CLIP1: variants seen among roughly 807,000 people sequenced by gnomAD.
CLIP1 encodes the protein CAP-Gly domain containing linker protein 1.
In CLIP1, 66 loss-of-function variants were observed where a neutral mutation model predicts 161.6. The observed-to-expected ratio is 0.41, with a 90% CI of 0.33 to 0.50. The LOEUF (loss-of-function observed/expected upper bound fraction) is 0.50, where lower values mean the gene tolerates loss of function less well. Among genes scored for constraint, CLIP1 ranks in the 20% least tolerant of loss-of-function variants. The probability of loss-of-function intolerance (pLI) is 0.27; values close to 1 mark genes in which losing one functional copy is unlikely to be tolerated. For synonymous variants in CLIP1, 598 were observed against 626.2 expected (o/e 0.96, Z 0.67); for missense variants, 1,376 against 1,702.0 (o/e 0.81, Z 3.37).
At chr12:122,393,912 CAA>C (rs71082981) in intron 1 of CLIP1, among the ~76,000 whole-genome samples, 8,203 of 63,406 alleles carry the variant, frequency 0.13, 1,058 homozygotes, top group African/African-American at 0.35. Context: ...ATTCTGTCTC[CAA>C]AAAAAAAAAA....
At chr12:122,299,618 A>AAAAAACAAAAAAAAAC (rs1295217151) in intron 20 of CLIP1, among the ~76,000 whole-genome samples, 3 of 147,904 alleles carry the variant, frequency 2.0e-5, no homozygotes, top group African/African-American at 7.6e-5. Flanking sequence ...TCAGCAAAAA[A>AAAAAACAAAAAAAAAC]AAAAAAAAAA....
chr12:122,279,183 C>T lies in CLIP1; in HGVS notation c.3648-38G>A, dbSNP rs374016383. The T allele has an allele frequency of 6.7e-5, 91 of 1,360,468 alleles. No individual in the cohort carries two copies. The highest frequency in any genetic ancestry group is 4.4e-4 in the East Asian group (19 of 43,614). The allele number at this position is 1,360,468 out of a possible 1,614,324, so 84.3% of individuals were successfully genotyped here. ...AGAGTTAAAAGTTCCACAAATCAACCGAAAGACTGGTCAGTGTACAACTGT... is the reference window on the plus strand; with the variant it reads ...AGAGTTAAAAGTTCCACAAATCAACTGAAAGACTGGTCAGTGTACAACTGT... On this transcript the variant is annotated intron_variant, in intron 21 of 25. Coordinates refer to ENST00000620786, the MANE Select transcript of CLIP1 (RefSeq NM_001247997.2). The surrounding 1 kb of genome is among the most constrained non-coding windows in gnomAD (Gnocchi z 4.5).
rs747621575 is a variant in CLIP1, at chr12:122,272,978, TG to T, written c.4213del (p.His1405IlefsTer54). The T allele has an allele frequency of 6.2e-7, 1 of 1,614,198 alleles. No homozygotes were observed. On this transcript the variant is annotated frameshift_variant, in exon 26 of 26. Coordinates refer to ENST00000620786, the MANE Select transcript of CLIP1 (RefSeq NM_001247997.2). LOFTEE classifies it high-confidence loss of function. ...TQAQMSEDPP[H>X]STHHGSRGEE... The stretch of plus-strand genomic sequence containing the variant: ...ACCCCGACTGCCATGGTGTGTGGAA[TG>T]GGGAGGGTCCTCTGACATCTGTGCC...
intron 8 of CLIP1, among the ~76,000 whole-genome samples, chr12:122,351,651 A>C (rs1019434997): frequency 6.6e-6 from 1 of 152,224 alleles, no homozygotes; most frequent in Non-Finnish European, 1.5e-5. Flanking sequence ...GCAAAACTGC[A>C]TATTTGGGAA....
intron 20 of CLIP1, among the ~76,000 whole-genome samples, chr12:122,298,471 G>A (rs966807957): frequency 6.6e-6 from 1 of 151,954 alleles, no homozygotes; most frequent in Non-Finnish European, 1.5e-5. Flanking sequence ...GGGCGTGGTG[G>A]TGGGCGTCTG....
At chr12:122,365,216 C>T in intron 3 of CLIP1, 2 of 468,368 alleles carry the variant, frequency 4.3e-6, no homozygotes, top group Non-Finnish European at 7.3e-6. Context: ...GCACATGTAC[C>T]CTAAAACTTA....
At chr12:122,371,686 CGAG>C (rs1954459389) in intron 3 of CLIP1, among the ~76,000 whole-genome samples, 1 of 152,066 alleles carries the variant, frequency 6.6e-6, no homozygotes, top group African/African-American at 2.4e-5. Flanking sequence ...AGGACACAGG[CGAG>C]GAGGATGGAC....
At chr12:122,363,835 G>A (rs1481238999) in intron 4 of CLIP1, 148 bp downstream of exon 4, 14 of 1,030,932 alleles carry the variant, frequency 1.4e-5, no homozygotes, top group Non-Finnish European at 2.0e-5. Flanking sequence ...TTAGTGTGGG[G>A]AAAAAAAATT....
chr12:122,422,179 G>T (rs1027265607), intron 1 of CLIP1, among the ~76,000 whole-genome samples: 35 of 152,216 alleles, frequency 2.3e-4, no homozygotes, highest in African/African-American at 7.0e-4. Context: ...AGAGGGAGCG[G>T]GGCGCCAGGG....
At chr12:122,398,242 CCT>C (rs916300055) in intron 1 of CLIP1, among the ~76,000 whole-genome samples, 6 of 148,764 alleles carry the variant, frequency 4.0e-5, no homozygotes, top group African/African-American at 1.5e-4. Flanking sequence ...ATGGTGAAAC[CCT>C]GTCTCTACTG....
intron 10 of CLIP1, among the ~76,000 whole-genome samples, chr12:122,346,170 A>G (rs779323295): frequency 3.3e-5 from 5 of 152,188 alleles, no homozygotes; most frequent in Non-Finnish European, 7.3e-5. Flanking sequence ...TCTGGGGCCA[A>G]ATGTCCTAGA....
At position 122,377,576 on chromosome 12, in the gene CLIP1, A is replaced by C. The variant is rs974492801; in HGVS notation, c.470T>G (p.Val157Gly). ...SPLCTSTASM[V>G]SSSPSTPSNI... ...TGAAGGGGTGGAGGGGGAGGAAGAC[A>C]CCATGCTGGCCGTAGAAGTGCACAG... Residue 157 changes from valine (V) to glycine (G), a missense_variant, in exon 3 of 26, where the codon GTG becomes GGG. Around this residue, in one of 6 missense-constraint regions of CLIP1, gnomAD observed 119 missense variants for 112.0 expected, o/e 1.06. Coordinates refer to ENST00000620786, the MANE Select transcript of CLIP1 (RefSeq NM_001247997.2). 1 of 1,613,914 alleles carries C rather than the reference A, an allele frequency of 6.2e-7. No individual in the cohort carries two copies. The highest frequency in any genetic ancestry group is 8.5e-7 in the Non-Finnish European group (1 of 1,180,010).
At chr12:122,336,416 A>T (rs1395850042) in intron 12 of CLIP1, among the ~76,000 whole-genome samples, 4 of 8,758 alleles carry the variant, frequency 4.6e-4, no homozygotes, top group African/African-American at 1.8e-3. Flanking sequence ...GATAGATTAA[A>T]AAAAAAAAAA....
chr12:122,392,464 GA>G (rs1368476993), intron 1 of CLIP1, among the ~76,000 whole-genome samples: 17 of 152,110 alleles, frequency 1.1e-4, no homozygotes, highest in African/African-American at 4.1e-4. Context: ...TGGTAGAAGA[GA>G]GTGAGTGAGT....
chr12:122,380,669 A>T lies in CLIP1; in HGVS notation c.-106-111T>A, dbSNP rs191013303. The T allele has an allele frequency of 3.5e-5, 13 of 372,668 alleles. No individual in the cohort carries two copies. The South Asian group carries it at 5.5e-4, about 16-fold the overall frequency. 23.1% of individuals were successfully genotyped at this position (372,668 alleles called of 1,614,324 possible). A position where few individuals can be genotyped will look rare whatever the true frequency, so the allele number is the denominator to read the frequency against. On this transcript the variant is annotated intron_variant, in intron 1 of 25. Coordinates refer to ENST00000620786, the MANE Select transcript of CLIP1 (RefSeq NM_001247997.2). The stretch of plus-strand genomic sequence containing the variant: ...TTTCATTTGACAATAATCCATCTCC[A>T]GGCTGAACCTAGGAACCTAGAAGAC...
At chr12:122,373,451 T>A (rs752499569) in intron 3 of CLIP1, among the ~76,000 whole-genome samples, 1 of 145,716 alleles carries the variant, frequency 6.9e-6, no homozygotes, top group Admixed American at 6.9e-5. Context: ...AAAGTTAATA[T>A]GGTAAATGAA....
chr12:122,319,482 T>G (rs564771557), intron 17 of CLIP1, 134 bp from the exon 18 acceptor site: 40 of 665,444 alleles, frequency 6.0e-5, no homozygotes, highest in Non-Finnish European at 1.0e-4. Flanking sequence ...GGTGAATCAG[T>G]CACAATCCAG....
intron 1 of CLIP1, among the ~76,000 whole-genome samples, chr12:122,397,189 T>C (rs566243587): frequency 2.0e-5 from 3 of 152,172 alleles, no homozygotes; most frequent in South Asian, 2.1e-4. Flanking sequence ...TGTGCCACTC[T>C]AGGCCTAGCC....
chr12:122,331,722 C>T lies in CLIP1; in HGVS notation c.2867+1265G>A, dbSNP rs773213447. ...TATTAAAATAAGTTCAGGCCAGGTA[C>T]GGTGACTCATGCCTGTAATTCCAGC... is the stretch of plus-strand genomic sequence containing the variant. On this transcript the variant is annotated intron_variant, in intron 15 of 25. Transcript: ENST00000620786. Among the ~76,000 whole-genome samples, 10 of 152,134 alleles carry T rather than the reference C, an allele frequency of 6.6e-5. No individual in the cohort carries two copies. The South Asian group carries it at 1.2e-3, about 19-fold the overall frequency.
Sources: allele counts gnomAD v4.1 joint callset (sites outside exome capture counted in the v4.1 genomes callset), GRCh38; gene constraint gnomAD v4.1.1; regional missense constraint gnomAD v4.1.1; non-coding constraint Gnocchi (gnomAD v3.1); transcripts MANE v1.5; gene names NCBI Gene and HGNC (gene_info 2026-07-23, HGNC 2026-07-21).